The following SCNN1D variants were observed in gnomAD, a reference collection of about 807,000 sequenced individuals.
SCNN1D encodes epithelial sodium channel subunit delta.
In SCNN1D, 104 loss-of-function variants were observed where a neutral mutation model predicts 87.8. That is an observed-to-expected ratio of 1.18 (90% CI 1.01 to 1.39). The LOEUF (loss-of-function observed/expected upper bound fraction) is 1.39. Ranked by LOEUF, SCNN1D falls within the 40% of genes most tolerant of loss-of-function variation. The pLI is 0.00. For synonymous variants in SCNN1D, 628 were observed against 481.2 expected (o/e 1.31, Z -3.99); for missense variants, 1,324 against 1,093.9 (o/e 1.21, Z -2.97).
Position 1,290,681 on chromosome 1 carries a change from C to T in SCNN1D, c.1904C>T (p.Ser635Phe), listed in dbSNP as rs1178791601. The change falls in exon 15 of 18, where the codon TCC (serine) becomes TTC (phenylalanine). Residue 635 changes from serine to phenylalanine, a missense_variant. Coordinates refer to ENST00000379116, the MANE Select transcript of SCNN1D (RefSeq NM_001130413.4). ...TCCACTGGGACCTCCAGGTGGCCTT[C>T]CGCCAAGTCAGCTGTGAGTCCCCAA... ...KLSTGTSRWP[S>F]AKSAGWTLAT... is the part of the protein sequence containing the mutation. 5 of 1,612,656 alleles carry T rather than the reference C, an allele frequency of 3.1e-6. No homozygotes were observed. The highest frequency in any genetic ancestry group is 4.2e-6 in the Non-Finnish European group (5 of 1,179,936).
chr1:1,284,106 G>GGT lies in SCNN1D; in HGVS notation c.464+16_464+17insGT. 1.0e-4 allele frequency: 1 copy of GGT among 9,846 alleles called. No individual in the cohort carries two copies. Among genetic ancestry groups the GGT allele is most frequent in the Non-Finnish European group, 1.4e-4 (1 of 6,978 alleles). 0.6% of individuals were successfully genotyped at this position (9,846 alleles called of 1,614,324 possible). A position where few individuals can be genotyped will look rare whatever the true frequency, so the allele number is the denominator to read the frequency against. ...TCACCTCCAGGTACCGTGGGGGGGG[G>GGT]TGAGGGGGGTGGGGGGGTTGGGTGA... On this transcript the variant is annotated intron_variant, in intron 5 of 17. Transcript: ENST00000379116.
intron 6 of SCNN1D, 127 bp downstream of exon 6, chr1:1,285,791 G>A (rs574400509): frequency 3.3e-5 from 39 of 1,190,054 alleles, no homozygotes; most frequent in Non-Finnish European, 3.3e-5. Context: ...CAGTGTCAGA[G>A]CACCCTGGGA....
chr1:1,283,054 C>T (rs754830865), intron 4 of SCNN1D, among the ~76,000 whole-genome samples: 15 of 152,014 alleles, frequency 9.9e-5, no homozygotes, highest in East Asian at 1.9e-4. Flanking sequence ...GCCTGGTGGT[C>T]GTGAGTCACT....
At chr1:1,282,797 G>C (rs1640498108) in intron 4 of SCNN1D, among the ~76,000 whole-genome samples, 1 of 150,750 alleles carries the variant, frequency 6.6e-6, no homozygotes, top group African/African-American at 2.5e-5. Context: ...CTGTCGCCCA[G>C]GCTGGAGTGC....
Position 1,282,626 on chromosome 1 carries a change from G to A in SCNN1D, c.351+311G>A, listed in dbSNP as rs6661354. 7.7e-3 allele frequency among the ~76,000 whole-genome samples: 1,178 copies of A among 152,290 alleles called. 13 individuals carry two copies. The highest frequency in any genetic ancestry group is 0.026 in the African/African-American group (1,095 of 41,546). ...GTGATTTGGACCCTGACAGTAGCATGTGGTCTTAGCATGTGTGAGGTCTTA... is the reference window on the plus strand; with the variant it reads ...GTGATTTGGACCCTGACAGTAGCATATGGTCTTAGCATGTGTGAGGTCTTA... On this transcript the variant is annotated intron_variant, in intron 4 of 17. Transcript: ENST00000379116.
Position 1,291,612 on chromosome 1 carries a change from C to T in SCNN1D, c.*2C>T, listed in dbSNP as rs960137496. ...CCCCTTGAGACTCTGGACACCTGAA[C>T]CAGACCTGCCAGGGCTGTGCGATCT... On this transcript the variant is annotated 3_prime_UTR_variant, in exon 18 of 18. Transcript: ENST00000379116. The T allele has an allele frequency of 1.3e-6, 2 of 1,517,326 alleles. No homozygotes were observed. The allele number at this position is 1,517,326 out of a possible 1,614,324, so 94.0% of individuals were successfully genotyped here. A position where few individuals can be genotyped will look rare whatever the true frequency, so the allele number is the denominator to read the frequency against.
At chr1:1,286,542 C>T (rs1457985407) in intron 7 of SCNN1D, among the ~76,000 whole-genome samples, 9 of 152,000 alleles carry the variant, frequency 5.9e-5, no homozygotes, top group Non-Finnish European at 8.8e-5. Flanking sequence ...TGGGGGTGGG[C>T]GAGGCTTTCC....
Position 1,287,929 on chromosome 1 carries a change from C to T in SCNN1D, c.1564-10C>T. 2 of 1,537,450 alleles carry T rather than the reference C, an allele frequency of 1.3e-6. No individual in the cohort carries two copies. Among genetic ancestry groups the T allele is most frequent in the Non-Finnish European group, 1.8e-6 (2 of 1,138,480 alleles). ...GGCAGGGCCCATGGAACTGAAGCGT[C>T]CCCTCCCAGGACGAGGTGCACCGGC... is the stretch of plus-strand genomic sequence containing the variant. On this transcript the variant is annotated splice_polypyrimidine_tract_variant and intron_variant, in intron 11 of 17. Coordinates refer to ENST00000379116, the MANE Select transcript of SCNN1D (RefSeq NM_001130413.4).
At chr1:1,287,412 C>G (rs1015365175) in intron 9 of SCNN1D, 96 bp from the exon 10 acceptor site, 10 of 1,489,800 alleles carry the variant, frequency 6.7e-6, no homozygotes, top group Admixed American at 6.6e-5. Context: ...GCCGGAGGAA[C>G]TTTCCGCAGA....
intron 11 of SCNN1D, 24 bp downstream of exon 11, chr1:1,287,860 C>A (rs952459487): frequency 2.3e-5 from 35 of 1,520,880 alleles, no homozygotes; most frequent in Non-Finnish European, 2.6e-5. Context: ...TGCAGCCAAC[C>A]TCCGGCCCAG....
At chr1:1,286,627 A>T (rs1423964603) in intron 7 of SCNN1D, 141 bp from the exon 8 acceptor site, 1 of 812,680 alleles carries the variant, frequency 1.2e-6, no homozygotes, top group Non-Finnish European at 1.9e-6. Context: ...CACGGCCTCC[A>T]ACTCCAGCTC....
rs147847115 is a variant in SCNN1D, at chr1:1,287,174, C to G, written c.1185C>G (p.Asp395Glu). The G allele has an allele frequency of 1.2e-6, 2 of 1,612,144 alleles. No homozygotes were observed. Among genetic ancestry groups the G allele is most frequent in the African/African-American group, 2.7e-5 (2 of 74,934 alleles). The change falls in exon 9 of 18, where the codon GAC becomes GAG. Residue 395 changes from aspartate to glutamate, a missense_variant. Physicochemically the swap from Asp to Glu is conservative, Grantham distance 45. Transcript: ENST00000379116. ...CGTCAGGCGTGGCGGCTGTCCAGGA[C>G]TGGTACCACTTCCACTATGTGGATA... ...GYTSGVAAVQDWYHFHYVDIL... is the reference protein window; with the variant it reads ...GYTSGVAAVQEWYHFHYVDIL...
intron 3 of SCNN1D, chr1:1,281,843 C>T: frequency 1.7e-6 from 1 of 588,202 alleles, no homozygotes; most frequent in Non-Finnish European, 3.0e-6. Flanking sequence ...GACCTGGGCT[C>T]TTTCTCTCTC....
rs1186016405 is a variant in SCNN1D at position 1,281,477 on chromosome 1, C to A, written c.144C>A (p.Pro48=). Residue 48 remains proline (P), a synonymous_variant, in exon 3 of 18, where the codon CCC becomes CCA. Transcript: ENST00000379116. The part of the protein sequence containing the change: ...PTCRELGSPH[P]TPCTGPARGW... Reference sequence around the variant, plus strand: ...GCCGGGAGCTGGGTTCGCCCCACCCCACCCCCTGCACCGGGCCAGCGAGGG... The same window carrying A: ...GCCGGGAGCTGGGTTCGCCCCACCCAACCCCCTGCACCGGGCCAGCGAGGG... The A allele has an allele frequency of 6.6e-7, 1 of 1,523,852 alleles. No individual in the cohort carries two copies. Among genetic ancestry groups the A allele is most frequent in the East Asian group, 2.4e-5 (1 of 40,870 alleles). 94.4% of individuals were successfully genotyped at this position (1,523,852 alleles called of 1,614,324 possible). A position where few individuals can be genotyped will look rare whatever the true frequency, so the allele number is the denominator to read the frequency against.
rs1436040833 is a variant in SCNN1D, at chr1:1,286,959, G to C, written c.1103G>C (p.Arg368Thr). 1 of 1,612,180 alleles carries C rather than the reference G, an allele frequency of 6.2e-7. No homozygotes were observed. The highest frequency in any genetic ancestry group is 1.1e-5 in the South Asian group (1 of 91,028). Residue 368 changes from arginine (R) to threonine (T), a missense_variant, in exon 8 of 18, where the codon AGA (arginine) becomes ACA (threonine). Arg to Thr is a moderately conservative substitution (Grantham distance 71, BLOSUM62 -1). Coordinates refer to ENST00000379116, the MANE Select transcript of SCNN1D (RefSeq NM_001130413.4). ...CTGAGCCACTCGGGCAGCCGGGTCA[G>C]AGTGGGGTTCAGACTGGTGAGTGTC... ...QRLSHSGSRV[R>T]VGFRLCNSTG...
At chr1:1,284,403 C>G (rs895579522) in intron 5 of SCNN1D, among the ~76,000 whole-genome samples, 1 of 151,190 alleles carries the variant, frequency 6.6e-6, no homozygotes, top group African/African-American at 2.4e-5. Context: ...TGCCTGGCCC[C>G]GTGTGCCATC....
At chr1:1,289,969 C>CGA (rs1420299732) in intron 12 of SCNN1D, among the ~76,000 whole-genome samples, 1 of 26,624 alleles carries the variant, frequency 3.8e-5, no homozygotes, top group African/African-American at 5.7e-4. Flanking sequence ...CTCCGTCCCC[C>CGA]GTGTCTGCTC....
intron 12 of SCNN1D, among the ~76,000 whole-genome samples, chr1:1,288,325 C>T (rs568243667): frequency 4.6e-4 from 32 of 69,224 alleles, no homozygotes; most frequent in African/African-American, 2.7e-3. Flanking sequence ...GTCCCTGCTC[C>T]GTCCCGTGTC....
intron 2 of SCNN1D, 47 bp downstream of exon 2, chr1:1,281,344 T>C (rs1225227953): frequency 2.0e-6 from 3 of 1,534,804 alleles, no homozygotes; most frequent in Non-Finnish European, 2.6e-6. Flanking sequence ...CCGTCTTTCC[T>C]GGGAGAGAGC....
Sources: gnomAD v4.1 joint callset for allele counts (sites outside exome capture counted in the v4.1 genomes callset) on GRCh38, gnomAD v4.1.1 for gene constraint, MANE v1.5 for transcripts, NCBI Gene and HGNC (gene_info 2026-07-23, HGNC 2026-07-21) for gene names.